AAK1: variants seen among roughly 807,000 people sequenced by gnomAD.
AAK1 encodes AP2-associated protein kinase 1.
AAK1 carries 37 observed loss-of-function variants against 116.0 expected under a neutral mutation model. The observed-to-expected ratio is 0.32, with a 90% CI of 0.25 to 0.42. AAK1 has a LOEUF of 0.42. Among genes scored for constraint, AAK1 ranks in the 10% least tolerant of loss-of-function variants. The probability of loss-of-function intolerance (pLI) is 1.00; values close to 1 mark genes in which losing one functional copy is unlikely to be tolerated. For missense variants in AAK1, 919 were observed against 1,170.6 expected (o/e 0.79, Z 3.14); for synonymous variants, 458 against 439.9 (o/e 1.04, Z -0.51).
Position 69,474,112 on chromosome 2 carries a change from T to A in AAK1, c.*1757A>T, listed in dbSNP as rs537861743. 5.8e-5 allele frequency: 57 copies of A among 985,912 alleles called. No individual in the cohort carries two copies. In the African/African-American group the frequency reaches 9.2e-4, roughly 16 times the overall value. The allele number at this position is 985,912 out of a possible 1,614,324, so 61.1% of individuals were successfully genotyped here. On this transcript the variant is annotated 3_prime_UTR_variant, in exon 22 of 22. Transcript: ENST00000409085. ...TTTTCCTCCAATGCCTTTCAAAGGC[T>A]ACTCGCACATTCCTAGGGTCAAACC... is the stretch of plus-strand genomic sequence containing the variant.
intron 16 of AAK1, among the ~76,000 whole-genome samples, chr2:69,499,055 C>A (rs1027640539): frequency 1.3e-5 from 2 of 152,306 alleles, no homozygotes; most frequent in Admixed American, 6.5e-5. Context: ...GGCCGGTCAG[C>A]CCCAGTGTGC....
intron 2 of AAK1, among the ~76,000 whole-genome samples, chr2:69,600,262 A>C (rs1673510664): frequency 6.6e-6 from 1 of 151,286 alleles, no homozygotes; most frequent in South Asian, 2.1e-4. Context: ...AAGACTGAAG[A>C]TCCAAGTTGC....
Position 69,475,228 on chromosome 2 carries a change from T to C in AAK1, c.*641A>G, listed in dbSNP as rs1345121766. On this transcript the variant is annotated 3_prime_UTR_variant, in exon 22 of 22. Coordinates refer to ENST00000409085, the MANE Select transcript of AAK1 (RefSeq NM_014911.5). Reference sequence around the variant, plus strand: ...TGGGCAGGTTGCATGGGGTGTAAAATCCCTTGGCTAAGTCTATGATCAAAC... The same window carrying C: ...TGGGCAGGTTGCATGGGGTGTAAAACCCCTTGGCTAAGTCTATGATCAAAC... 1 of 985,716 alleles carries C rather than the reference T, an allele frequency of 1.0e-6. No homozygotes were observed. The allele number at this position is 985,716 out of a possible 1,614,324, so 61.1% of individuals were successfully genotyped here. A position where few individuals can be genotyped will look rare whatever the true frequency, so the allele number is the denominator to read the frequency against.
At chr2:69,495,507 C>A (rs1021680032) in intron 17 of AAK1, among the ~76,000 whole-genome samples, 2 of 152,124 alleles carry the variant, frequency 1.3e-5, no homozygotes, top group African/African-American at 4.8e-5. Flanking sequence ...TTATCCCATT[C>A]CCTAATTATC....
rs3552 is a variant in AAK1 at position 69,471,026 on chromosome 2, G to A, written c.*4843C>T. On this transcript the variant is annotated 3_prime_UTR_variant, in exon 22 of 22. Transcript: ENST00000409085. ...TTGTGCAGCAATGTTCAAATTTCAC[G>A]TTTTTACTGCATAAGATATCTTCAT... 547,583 of 985,424 alleles carry A rather than the reference G, an allele frequency of 0.56. 153,871 individuals are homozygous for A. The highest frequency in any genetic ancestry group is 0.79 in the East Asian group (6,939 of 8,812). 61.0% of individuals were successfully genotyped at this position (985,424 alleles called of 1,614,324 possible).
rs1445310499 is a variant in AAK1 at position 69,473,689 on chromosome 2, T to G, written c.*2180A>C. 2.1e-6 allele frequency: 2 copies of G among 963,374 alleles called. No homozygotes were observed. Among genetic ancestry groups the G allele is most frequent in the Middle Eastern group, 5.3e-4 (1 of 1,894 alleles). The allele number at this position is 963,374 out of a possible 1,614,324, so 59.7% of individuals were successfully genotyped here. A position where few individuals can be genotyped will look rare whatever the true frequency, so the allele number is the denominator to read the frequency against. Reference sequence around the variant, plus strand: ...AAACTGTACTCTTCATAGTTTCAATTAAATTGAGAAACTAGATATTTCATT... The same window carrying G: ...AAACTGTACTCTTCATAGTTTCAATGAAATTGAGAAACTAGATATTTCATT... On this transcript the variant is annotated 3_prime_UTR_variant, in exon 22 of 22. Coordinates refer to ENST00000409085, the MANE Select transcript of AAK1 (RefSeq NM_014911.5).
chr2:69,539,930 T>C (rs550020546), intron 5 of AAK1, among the ~76,000 whole-genome samples: 121 of 152,340 alleles, frequency 7.9e-4, no homozygotes, highest in Middle Eastern at 6.8e-3. Flanking sequence ...TTTTCTTCTA[T>C]AGAGTTTTAT....
At chr2:69,540,798 C>T (rs746033655) in intron 5 of AAK1, among the ~76,000 whole-genome samples, 3 of 152,138 alleles carry the variant, frequency 2.0e-5, no homozygotes, top group Admixed American at 2.0e-4. Flanking sequence ...AAAACTGGTA[C>T]ATGAATGTTC....
rs186412758 is a variant in AAK1 at position 69,560,199 on chromosome 2, T to C, written c.164-3221A>G. ...AAAGATGTTGGTCACTATCACTGTGTAGTTGGCCAAATGGAGATGTAAACT... is the reference window on the plus strand; with the variant it reads ...AAAGATGTTGGTCACTATCACTGTGCAGTTGGCCAAATGGAGATGTAAACT... On this transcript the variant is annotated intron_variant, in intron 2 of 21. Coordinates refer to ENST00000409085, the MANE Select transcript of AAK1 (RefSeq NM_014911.5). Among the ~76,000 whole-genome samples, 17 of 152,370 alleles carry C rather than the reference T, an allele frequency of 1.1e-4. No homozygotes were observed. In the East Asian group the frequency reaches 2.9e-3, roughly 26 times the overall value.
chr2:69,616,467 AT>A (rs145079214), intron 2 of AAK1, among the ~76,000 whole-genome samples: 4,680 of 152,184 alleles, frequency 0.031, 236 homozygotes, highest in African/African-American at 0.11. Context: ...ATAAAAAACT[AT>A]TTTTTTTATG....
At chr2:69,491,672 G>T (rs1418424806) in intron 17 of AAK1, among the ~76,000 whole-genome samples, 1 of 152,044 alleles carries the variant, frequency 6.6e-6, no homozygotes, top group Non-Finnish European at 1.5e-5. Flanking sequence ...CTGGGAATAG[G>T]GATGTAGAAC....
At chr2:69,627,533 A>C (rs990773016) in intron 2 of AAK1, among the ~76,000 whole-genome samples, 1 of 152,212 alleles carries the variant, frequency 6.6e-6, no homozygotes, top group Non-Finnish European at 1.5e-5. Context: ...AGGAAAAGGC[A>C]CCAGCCAAGC....
chr2:69,525,045 T>C lies in AAK1; in HGVS notation c.1043A>G (p.Gln348Arg). Residue 348 changes from glutamine to arginine, a missense_variant, in exon 10 of 22, where the codon CAG becomes CGG. Gln to Arg is a conservative substitution (Grantham distance 43). Transcript: ENST00000409085. ...KASEAAAKKT[Q>R]PKARLTDPIP... ...AGGCATTTCTTACCTGGCCTTTGGCTGGGTCTTTTTTGCAGCTGCCTCACT... is the reference window on the plus strand; with the variant it reads ...AGGCATTTCTTACCTGGCCTTTGGCCGGGTCTTTTTTGCAGCTGCCTCACT... The C allele has an allele frequency of 6.2e-7, 1 of 1,613,960 alleles. No individual in the cohort carries two copies.
At chr2:69,607,877 T>C (rs939556227) in intron 2 of AAK1, among the ~76,000 whole-genome samples, 2 of 151,952 alleles carry the variant, frequency 1.3e-5, no homozygotes, top group East Asian at 3.9e-4. Context: ...TCAGGTGGAG[T>C]TGGTCAAAAG....
Position 69,469,915 on chromosome 2 carries a change from T to G in AAK1, c.*5954A>C. 1.0e-6 allele frequency: 1 copy of G among 985,452 alleles called. No individual in the cohort carries two copies. The highest frequency in any genetic ancestry group is 1.2e-6 in the Non-Finnish European group (1 of 829,940). 61.0% of individuals were successfully genotyped at this position (985,452 alleles called of 1,614,324 possible). On this transcript the variant is annotated 3_prime_UTR_variant, in exon 22 of 22. Coordinates refer to ENST00000409085, the MANE Select transcript of AAK1 (RefSeq NM_014911.5). ...ATGTAGATTTCAGCAAGAACTCACA[T>G]GCTTCAGGGAAGAGAAGGAGTTCCT...
intron 5 of AAK1, among the ~76,000 whole-genome samples, chr2:69,539,818 T>G (rs1670627928): frequency 6.6e-6 from 1 of 152,156 alleles, no homozygotes; most frequent in Admixed American, 6.5e-5. Flanking sequence ...TTACTTCCTA[T>G]CAGGCCTTCA....
At chr2:69,545,284 A>C (rs1670878424) in intron 3 of AAK1, among the ~76,000 whole-genome samples, 1 of 152,222 alleles carries the variant, frequency 6.6e-6, no homozygotes, top group African/African-American at 2.4e-5. Context: ...ATTTTGGTAT[A>C]GTCCTTTAAA....
In AAK1 at chr2:69,458,172, C is replaced by G. The variant is rs762124665; in HGVS notation, c.*17697G>C. ...TAAGATTGACTTTCATGTTTCCCCCCCTCCTTTCTCTTGTTCACAGCCCGA... is the reference window on the plus strand; with the variant it reads ...TAAGATTGACTTTCATGTTTCCCCCGCTCCTTTCTCTTGTTCACAGCCCGA... On this transcript the variant is annotated 3_prime_UTR_variant, in exon 22 of 22. Coordinates refer to ENST00000409085, the MANE Select transcript of AAK1 (RefSeq NM_014911.5). 6.6e-6 allele frequency: 1 copy of G among 151,892 alleles called. No individual in the cohort carries two copies. Among genetic ancestry groups the G allele is most frequent in the Non-Finnish European group, 1.5e-5 (1 of 68,010 alleles). The allele number at this position is 151,892 out of a possible 1,614,324, so 9.4% of individuals were successfully genotyped here.
Position 69,465,703 on chromosome 2 carries a change from C to T in AAK1, c.*10166G>A. 7.7e-7 allele frequency: 1 copy of T among 1,290,854 alleles called. No individual in the cohort carries two copies. The highest frequency in any genetic ancestry group is 1.0e-6 in the Non-Finnish European group (1 of 988,870). The allele number at this position is 1,290,854 out of a possible 1,614,324, so 80.0% of individuals were successfully genotyped here. A position where few individuals can be genotyped will look rare whatever the true frequency, so the allele number is the denominator to read the frequency against. ...ACAGCTTCTTTCTGGAGCTGAGGTC[C>T]TTTGTTTCTGTCATTAGAATGACCC... On this transcript the variant is annotated 3_prime_UTR_variant, in exon 22 of 22. Coordinates refer to ENST00000409085, the MANE Select transcript of AAK1 (RefSeq NM_014911.5).
Sources: allele counts gnomAD v4.1 joint callset (sites outside exome capture counted in the v4.1 genomes callset), GRCh38; gene constraint gnomAD v4.1.1; transcripts MANE v1.5; gene names NCBI Gene and HGNC (gene_info 2026-07-23, HGNC 2026-07-21).